FOXJ3: variants seen among roughly 807,000 people sequenced by gnomAD.
FOXJ3 encodes the protein forkhead box protein J3.
Under a neutral mutation model 76.1 loss-of-function variants are expected in FOXJ3, and 22 were observed. That is an observed-to-expected ratio of 0.29 (90% confidence interval 0.21 to 0.41). The LOEUF (loss-of-function observed/expected upper bound fraction) is 0.41. FOXJ3 is among the 10% of genes least tolerant of loss of function. The pLI, the probability that FOXJ3 is intolerant of heterozygous loss-of-function variation, is 1.00. For missense variants in FOXJ3, 613 were observed against 762.1 expected (o/e 0.80, Z 2.30); for synonymous variants, 269 against 261.2 (o/e 1.03, Z -0.29).
At chr1:42,270,282 G>A (rs192821866) in intron 3 of FOXJ3, among the ~76,000 whole-genome samples, 2 of 152,178 alleles carry the variant, frequency 1.3e-5, no homozygotes, top group African/African-American at 2.4e-5. Flanking sequence ...AATAAACTTC[G>A]TCATCCTGAA....
At chr1:42,280,535 G>T in intron 2 of FOXJ3, 2 of 541,598 alleles carry the variant, frequency 3.7e-6, no homozygotes, top group Non-Finnish European at 4.7e-6. Context: ...GGGACTTGTA[G>T]AATAAGAAGA....
At chr1:42,203,533 C>T (rs1646802198) in intron 6 of FOXJ3, among the ~76,000 whole-genome samples, 1 of 152,110 alleles carries the variant, frequency 6.6e-6, no homozygotes, top group Admixed American at 6.5e-5. Flanking sequence ...AGTTGAAAGC[C>T]TAGGGTGTAT....
At position 42,187,319 on chromosome 1, in the gene FOXJ3, T is replaced by C. The variant is rs554768165; in HGVS notation, c.1645+1418A>G. 2.0e-5 allele frequency among the ~76,000 whole-genome samples: 3 copies of C among 152,288 alleles called. No individual in the cohort carries two copies. In the South Asian group the frequency reaches 6.2e-4, roughly 32 times the overall value. ...TGAGGCTGACTGAAATGGTTAGAGA[T>C]GGAGTTAGCAAAGAAGTGAACAGCA... On this transcript the variant is annotated intron_variant, in intron 11 of 12. Coordinates refer to ENST00000361346, the MANE Select transcript of FOXJ3 (RefSeq NM_014947.5).
intron 1 of FOXJ3, among the ~76,000 whole-genome samples, chr1:42,330,700 C>G (rs1363961965): frequency 6.6e-6 from 1 of 152,108 alleles, no homozygotes; most frequent in African/African-American, 2.4e-5. Flanking sequence ...TCCAGTCCCT[C>G]TAAGTCTCCA....
rs763172561 is a variant in FOXJ3, at chr1:42,199,197, C to T, written c.664G>A (p.Asp222Asn). 1 of 1,612,864 alleles carries T rather than the reference C, an allele frequency of 6.2e-7. No individual in the cohort carries two copies. The highest frequency in any genetic ancestry group is 8.5e-7 in the Non-Finnish European group (1 of 1,178,910). ...TTGTTAAGGCTACTGCGTGGGCTAT[C>T]ACTACCATCCTGATCAGTGTTATAC... ...TLYNTDQDGS[D>N]SPRSSLNNSL... Residue 222 changes from aspartate to asparagine, a missense_variant, in exon 7 of 13, where the codon GAT becomes AAT. Asp to Asn is a conservative substitution (Grantham distance 23). This residue lies in a region of FOXJ3 where 526 missense variants were observed against 601.4 expected (regional missense o/e 0.87). Coordinates refer to ENST00000361346, the MANE Select transcript of FOXJ3 (RefSeq NM_014947.5).
chr1:42,295,588 G>T (rs1054657144), intron 2 of FOXJ3, among the ~76,000 whole-genome samples: 2 of 146,212 alleles, frequency 1.4e-5, no homozygotes, highest in Admixed American at 1.4e-4. Flanking sequence ...GAATGCAGTG[G>T]CGCAATCTTG....
intron 1 of FOXJ3, among the ~76,000 whole-genome samples, chr1:42,328,071 A>G (rs900268317): frequency 1.7e-4 from 26 of 152,146 alleles, no homozygotes; most frequent in Non-Finnish European, 2.5e-4. Flanking sequence ...CCAAGGAGGG[A>G]GGAAGAGGCC....
At chr1:42,180,269 TA>T (rs1646292432) in intron 12 of FOXJ3, among the ~76,000 whole-genome samples, 1 of 152,204 alleles carries the variant, frequency 6.6e-6, no homozygotes, top group Admixed American at 6.5e-5. Flanking sequence ...CCCAGCAAGC[TA>T]ATTTCTGTGC....
Position 42,324,103 on chromosome 1 carries a change from T to TATATACAGTGTATATATA in FOXJ3, c.-18+10955_-18+10956insTATATATACACTGTATAT, listed in dbSNP as rs1553170579. 1.1e-4 allele frequency among the ~76,000 whole-genome samples: 10 copies of TATATACAGTGTATATATA among 88,342 alleles called. 1 individual carries two copies. The highest frequency in any genetic ancestry group is 2.4e-4 in the African/African-American group (5 of 20,636). The allele number at this position is 88,342 out of a possible 152,430, so 58.0% of individuals were successfully genotyped here. ...TAGTATATATACTGTATATATACTG[T>TATATACAGTGTATATATA]GTATATACACTGTATATACACAGTG... On this transcript the variant is annotated intron_variant, in intron 1 of 12. Coordinates refer to ENST00000361346, the MANE Select transcript of FOXJ3 (RefSeq NM_014947.5).
Position 42,178,498 on chromosome 1 carries a change from C to CT in FOXJ3, c.*1211_*1212insA, listed in dbSNP as rs1646256219. 1 of 152,204 alleles carries CT rather than the reference C, an allele frequency of 6.6e-6. No homozygotes were observed. Among genetic ancestry groups the CT allele is most frequent in the South Asian group, 2.1e-4 (1 of 4,832 alleles). 9.4% of individuals were successfully genotyped at this position (152,204 alleles called of 1,614,324 possible). On this transcript the variant is annotated 3_prime_UTR_variant, in exon 13 of 13. Transcript: ENST00000361346. ...TGTAAATTCTTATCAAGAAAAGTAA[C>CT]GCTGGGCCAGGCGCAGTGGCTCATG... is the stretch of plus-strand genomic sequence containing the variant.
intron 11 of FOXJ3, among the ~76,000 whole-genome samples, chr1:42,183,298 C>T (rs866999447): frequency 0.01 from 194 of 18,500 alleles, 2 homozygotes; most frequent in Middle Eastern, 0.028. Context: ...GCGGAGGGGG[C>T]GGGGCGGGGT....
At chr1:42,325,642 A>C (rs1655788987) in intron 1 of FOXJ3, among the ~76,000 whole-genome samples, 1 of 152,212 alleles carries the variant, frequency 6.6e-6, no homozygotes, top group African/African-American at 2.4e-5. Flanking sequence ...TTTTATTAGA[A>C]ATCTGCCAAG....
chr1:42,231,254 A>C (rs894011104), intron 4 of FOXJ3, among the ~76,000 whole-genome samples: 3 of 152,122 alleles, frequency 2.0e-5, no homozygotes, highest in African/African-American at 7.2e-5. Flanking sequence ...TGAACCCAGA[A>C]GGCAGAGCTC....
chr1:42,327,834 G>A (rs989857229), intron 1 of FOXJ3, among the ~76,000 whole-genome samples: 29 of 152,254 alleles, frequency 1.9e-4, no homozygotes, highest in Admixed American at 1.2e-3. Flanking sequence ...GGAGAATTCC[G>A]TTAGAACTTT....
intron 4 of FOXJ3, among the ~76,000 whole-genome samples, chr1:42,254,787 G>T (rs1401859954): frequency 6.8e-6 from 1 of 147,138 alleles, no homozygotes; most frequent in Non-Finnish European, 1.5e-5. Flanking sequence ...ACACAGGAAG[G>T]GGAACATCAC....
intron 2 of FOXJ3, among the ~76,000 whole-genome samples, chr1:42,279,624 G>A (rs1053602432): frequency 6.6e-6 from 1 of 152,080 alleles, no homozygotes; most frequent in Non-Finnish European, 1.5e-5. Flanking sequence ...GCTGCTCTAA[G>A]AATTGAAGAT....
At chr1:42,242,237 G>A (rs1649201118) in intron 4 of FOXJ3, among the ~76,000 whole-genome samples, 1 of 151,176 alleles carries the variant, frequency 6.6e-6, no homozygotes, top group African/African-American at 2.4e-5. Flanking sequence ...AAAGAACACA[G>A]TAATTCTCCA....
In FOXJ3 at chr1:42,315,645, A is replaced by G. The variant is rs369064007; in HGVS notation, c.-17-4535T>C. ...CCTTGTTGACTGAAAGAACAAACAT[A>G]TATCAGTCTTCTCCCTACCCAGGCA... is the stretch of plus-strand genomic sequence containing the variant. On this transcript the variant is annotated intron_variant, in intron 1 of 12. Coordinates refer to ENST00000361346, the MANE Select transcript of FOXJ3 (RefSeq NM_014947.5). 1.4e-4 allele frequency among the ~76,000 whole-genome samples: 21 copies of G among 152,332 alleles called. No individual in the cohort carries two copies. In the East Asian group the frequency reaches 3.3e-3, roughly 24 times the overall value.
At chr1:42,192,189 G>C (rs1338561410) in intron 8 of FOXJ3, among the ~76,000 whole-genome samples, 3 of 152,074 alleles carry the variant, frequency 2.0e-5, no homozygotes, top group Non-Finnish European at 4.4e-5. Flanking sequence ...ACTAAATCTC[G>C]ACTGGCTAAT....
Sources: gnomAD v4.1 joint callset for allele counts (sites outside exome capture counted in the v4.1 genomes callset) on GRCh38, gnomAD v4.1.1 for gene constraint, gnomAD v4.1.1 regional missense constraint, MANE v1.5 for transcripts, NCBI Gene and HGNC (gene_info 2026-07-23, HGNC 2026-07-21) for gene names.